Variants in IGHMBP2 observed in about 807,000 individuals in gnomAD.
IGHMBP2 encodes the protein DNA-binding protein SMUBP-2.
In IGHMBP2, 81 loss-of-function variants were observed where a neutral mutation model predicts 96.0. The observed-to-expected ratio is 0.84, with a 90% CI of 0.71 to 1.01. The LOEUF (loss-of-function observed/expected upper bound fraction) is 1.01, where lower values mean the gene tolerates loss of function less well. IGHMBP2 is among the 50% of genes least tolerant of loss of function. IGHMBP2 has a pLI of 0.00. For missense variants in IGHMBP2, 1,227 were observed against 1,306.3 expected (o/e 0.94, Z 0.94); for synonymous variants, 557 against 548.9 (o/e 1.01, Z -0.21).
intron 13 of IGHMBP2, chr11:68,937,827 G>C (rs560878042): frequency 3.5e-6 from 1 of 284,064 alleles, no homozygotes; most frequent in East Asian, 8.3e-5. Context: ...TGGGGCTCCA[G>C]AGGAATTCAC....
At chr11:68,932,986 A>C in intron 8 of IGHMBP2, 1 of 461,624 alleles carries the variant, frequency 2.2e-6, no homozygotes, top group East Asian at 4.1e-5. Flanking sequence ...TGACCCTCGC[A>C]TGCCCCCTTA....
Position 68,917,764 on chromosome 11 carries a change from G to C in IGHMBP2, c.941G>C (p.Arg314Thr). Residue 314 changes from arginine (R) to threonine (T), a missense_variant, in exon 7 of 15, where the codon AGA (arginine) becomes ACA (threonine). Transcript: ENST00000255078. ...AAAAACAAAAAGACCCAGGATAAGA[G>C]AGAGAAAAGTAATTTTCGAAATGAA... ...FVKNKKTQDK[R>T]EKSNFRNEIK... The C allele has an allele frequency of 6.2e-7, 1 of 1,613,146 alleles. No individual in the cohort carries two copies. The highest frequency in any genetic ancestry group is 8.5e-7 in the Non-Finnish European group (1 of 1,179,196).
In IGHMBP2 at chr11:68,940,162, C is replaced by T. The variant is rs986717111; in HGVS notation, c.*431C>T. 5.2e-6 allele frequency: 1 copy of T among 191,146 alleles called. No homozygotes were observed. Among genetic ancestry groups the T allele is most frequent in the African/African-American group, 2.4e-5 (1 of 42,456 alleles). 11.8% of individuals were successfully genotyped at this position (191,146 alleles called of 1,614,324 possible). ...AGGAAACAAGACTGCGAATGGCGCT[C>T]AGGCAGGGAGCAGGGAGTGGCGTTT... On this transcript the variant is annotated 3_prime_UTR_variant, in exon 15 of 15. Coordinates refer to ENST00000255078, the MANE Select transcript of IGHMBP2 (RefSeq NM_002180.3).
intron 8 of IGHMBP2, chr11:68,930,400 C>T (rs1859243962): frequency 7.8e-7 from 1 of 1,289,742 alleles, no homozygotes. Context: ...AGTAGAATCT[C>T]ATCACAGGGG....
rs777148718 is a variant in IGHMBP2, at chr11:68,936,395, GC to G, written c.1917del (p.Phe640LeufsTer93). ...YFTQHGEVRT[A>X]FEYLDDIVPE... The stretch of plus-strand genomic sequence containing the variant: ...CACACAGCATGGGGAAGTACGCACG[GC>G]CTTTGAGTATCTTGACGATATTGTC... On this transcript the variant is annotated frameshift_variant, in exon 13 of 15. Transcript: ENST00000255078. LOFTEE classifies it high-confidence loss of function. 1.2e-6 allele frequency: 2 copies of G among 1,614,066 alleles called. No individual in the cohort carries two copies. Among genetic ancestry groups the G allele is most frequent in the Non-Finnish European group, 1.7e-6 (2 of 1,180,040 alleles).
intron 8 of IGHMBP2, among the ~76,000 whole-genome samples, chr11:68,931,896 G>A (rs1859318902): frequency 6.6e-6 from 1 of 152,092 alleles, no homozygotes; most frequent in Admixed American, 6.5e-5. Flanking sequence ...GAAGACGTTG[G>A]GTGGCGTTCC....
chr11:68,926,097 C>T (rs917916702), intron 7 of IGHMBP2: 1 of 152,096 alleles, frequency 6.6e-6, no homozygotes, highest in Non-Finnish European at 1.5e-5. Flanking sequence ...GATAATGCCC[C>T]ACAGATCTCT....
chr11:68,936,849 G>GAGCAGCCCTGGGACCCCC lies in IGHMBP2; in HGVS notation c.2375_2392dup (p.Ala792_Ala797dup). The GAGCAGCCCTGGGACCCCC allele has an allele frequency of 6.2e-7, 1 of 1,613,258 alleles. No individual in the cohort carries two copies. Among genetic ancestry groups the GAGCAGCCCTGGGACCCCC allele is most frequent in the African/African-American group, 1.3e-5 (1 of 75,044 alleles). Reference sequence around the variant, plus strand: ...GTGAGCAAGAGGGCCCCGCGACCCCGAGCAGCCCTGGGACCCCCAGCAGGG... The same window carrying GAGCAGCCCTGGGACCCCC: ...GTGAGCAAGAGGGCCCCGCGACCCCGAGCAGCCCTGGGACCCCCAGCAGCCCTGGGACCCCCAGCAGGG... On this transcript the variant is annotated inframe_insertion, in exon 13 of 15. Coordinates refer to ENST00000255078, the MANE Select transcript of IGHMBP2 (RefSeq NM_002180.3).
rs35610053 is a variant in IGHMBP2, at chr11:68,908,192, G to T, written c.304G>T (p.Ala102Ser). The T allele has an allele frequency of 3.2e-4, 517 of 1,614,026 alleles. 3 individuals carry two copies. The African/African-American group carries it at 5.5e-3, about 17-fold the overall frequency. ...YDAANEGSQL[A>S]TGILTRVTQK... ...TGCTGCTAATGAGGGCAGTCAGCTG[G>T]CCACTGGGATCTTGACCCGGGTCAC... Residue 102 changes from alanine to serine, a missense_variant, in exon 3 of 15, where the codon GCC becomes TCC. This residue lies in a region of IGHMBP2 where 507 missense variants were observed against 496.9 expected (regional missense o/e 1.02). Coordinates refer to ENST00000255078, the MANE Select transcript of IGHMBP2 (RefSeq NM_002180.3).
chr11:68,923,125 T>G (rs1184905663), intron 7 of IGHMBP2, among the ~76,000 whole-genome samples: 2 of 152,244 alleles, frequency 1.3e-5, no homozygotes, highest in Non-Finnish European at 2.9e-5. Context: ...TTTGTTTGGA[T>G]ACCGGACATT....
At chr11:68,907,984 C>T (rs111966002) in intron 2 of IGHMBP2, among the ~76,000 whole-genome samples, 161 bp from the exon 3 acceptor site, 4 of 142,288 alleles carry the variant, frequency 2.8e-5, no homozygotes, top group East Asian at 2.0e-4. Context: ...CCACCGTGCC[C>T]GGCCTAACTT....
chr11:68,911,407 C>T (rs1389549288), intron 4 of IGHMBP2, 33 bp from the exon 5 acceptor site: 2 of 1,610,114 alleles, frequency 1.2e-6, no homozygotes, highest in Non-Finnish European at 1.7e-6. Context: ...CTCCCCAGAG[C>T]ACCTGAGCCT....
intron 8 of IGHMBP2, chr11:68,930,258 A>T: frequency 1.6e-6 from 2 of 1,280,826 alleles, no homozygotes; most frequent in South Asian, 1.3e-5. Context: ...CACCGGGGGA[A>T]GATTGATTTC....
chr11:68,931,906 C>T (rs1405139129), intron 8 of IGHMBP2, among the ~76,000 whole-genome samples: 1 of 151,298 alleles, frequency 6.6e-6, no homozygotes, highest in Admixed American at 6.6e-5. Flanking sequence ...GGTGGCGTTC[C>T]CTGCAGAGAG....
intron 8 of IGHMBP2, chr11:68,930,151 C>T: frequency 8.3e-7 from 1 of 1,203,466 alleles, no homozygotes; most frequent in African/African-American, 1.6e-5. Context: ...GTGAACAGGG[C>T]CTGGCACGTG....
chr11:68,915,410 C>T (rs1267560485), intron 6 of IGHMBP2, among the ~76,000 whole-genome samples: 2 of 151,510 alleles, frequency 1.3e-5, no homozygotes, highest in African/African-American at 2.4e-5. Context: ...GAATTCCTGA[C>T]CTCAGGTGCT....
chr11:68,920,286 G>A (rs1258027401), intron 7 of IGHMBP2, among the ~76,000 whole-genome samples: 1 of 152,110 alleles, frequency 6.6e-6, no homozygotes, highest in Non-Finnish European at 1.5e-5. Context: ...GTACAGTGGT[G>A]CGGTCAAAGC....
chr11:68,908,149 T>C lies in IGHMBP2; in HGVS notation c.261T>C (p.Asp87=), dbSNP rs1858275561. ...ALPSNSFTSG[D]IVGLYDAANE... Reference sequence around the variant, plus strand: ...ACTGAGTCTTTGTTTTTGCAGGTGATATCGTGGGCCTGTACGATGCTGCTA... The same window carrying C: ...ACTGAGTCTTTGTTTTTGCAGGTGACATCGTGGGCCTGTACGATGCTGCTA... The change falls in exon 3 of 15, where the codon GAT becomes GAC. Residue 87 remains aspartate (D), a synonymous_variant. Coordinates refer to ENST00000255078, the MANE Select transcript of IGHMBP2 (RefSeq NM_002180.3). 2 of 1,613,868 alleles carry C rather than the reference T, an allele frequency of 1.2e-6. No individual in the cohort carries two copies. Among genetic ancestry groups the C allele is most frequent in the Non-Finnish European group, 8.5e-7 (1 of 1,179,846 alleles).
At chr11:68,910,985 C>G (rs1858407642) in intron 4 of IGHMBP2, among the ~76,000 whole-genome samples, 1 of 151,706 alleles carries the variant, frequency 6.6e-6, no homozygotes, top group Non-Finnish European at 1.5e-5. Context: ...TGTCATTTGT[C>G]TTTATCATTT....
Sources: gnomAD v4.1 joint callset for allele counts (sites outside exome capture counted in the v4.1 genomes callset) on GRCh38, gnomAD v4.1.1 for gene constraint, gnomAD v4.1.1 regional missense constraint, MANE v1.5 for transcripts, NCBI Gene and HGNC (gene_info 2026-07-23, HGNC 2026-07-21) for gene names.